The following IL36B variants were observed in gnomAD, a reference collection of about 807,000 sequenced individuals.
IL36B encodes the protein interleukin-36 beta.
In IL36B, 23 loss-of-function variants were observed where a neutral mutation model predicts 19.3. The ratio of observed to expected loss-of-function variants is 1.19; its 90% CI spans 0.86 to 1.69. IL36B has a LOEUF of 1.69. Ranked by LOEUF, IL36B falls within the 40% of genes most tolerant of loss-of-function variation. IL36B has a pLI of 0.00. For synonymous variants in IL36B, 59 were observed against 59.7 expected (o/e 0.99, Z 0.05); for missense variants, 217 against 200.5 (o/e 1.08, Z -0.50).
chr2:113,026,042 A>C (rs1258037558), intron 5 of IL36B: 11 of 1,581,608 alleles, frequency 7.0e-6, no homozygotes, highest in Non-Finnish European at 9.5e-6. Flanking sequence ...AGGAACCATG[A>C]AGAATGAACG....
At chr2:113,034,173 C>A (rs1166223719) in intron 1 of IL36B, among the ~76,000 whole-genome samples, 2 of 152,164 alleles carry the variant, frequency 1.3e-5, no homozygotes, top group African/African-American at 4.8e-5. Flanking sequence ...TTTCTGCTGC[C>A]TTCTATCCCT....
intron 1 of IL36B, among the ~76,000 whole-genome samples, chr2:113,034,841 C>T (rs1290836414): frequency 1.3e-5 from 2 of 152,170 alleles, no homozygotes; most frequent in Non-Finnish European, 2.9e-5. Flanking sequence ...CAGCTTTGCC[C>T]CCATCTGGAT....
rs753736131 is a variant in IL36B, at chr2:113,031,681, G to A, written c.13+16C>T. On this transcript the variant is annotated intron_variant, in intron 2 of 5. Transcript: ENST00000259213. ...GATGGAGATATTTCCAAGCTGATTT[G>A]CAATTCACCACTTACGTTGTGGGTT... 6.2e-7 allele frequency: 1 copy of A among 1,605,432 alleles called. No individual in the cohort carries two copies. Among genetic ancestry groups the A allele is most frequent in the South Asian group, 1.1e-5 (1 of 90,836 alleles).
At chr2:113,051,504 G>A (rs970130699) in intron 1 of IL36B, among the ~76,000 whole-genome samples, 2 of 152,196 alleles carry the variant, frequency 1.3e-5, no homozygotes, top group Non-Finnish European at 2.9e-5. Context: ...CCCGGCCTGT[G>A]CACCTGGCCC....
chr2:113,040,369 C>G (rs1685233553), intron 1 of IL36B, among the ~76,000 whole-genome samples: 1 of 152,138 alleles, frequency 6.6e-6, no homozygotes, highest in Non-Finnish European at 1.5e-5. Context: ...TTGCTTTTTC[C>G]ACTTTTGTTC....
intron 5 of IL36B, among the ~76,000 whole-genome samples, chr2:113,023,391 G>C (rs1289421042): frequency 6.6e-6 from 1 of 152,182 alleles, no homozygotes; most frequent in African/African-American, 2.4e-5. Flanking sequence ...CTTTGGCCTT[G>C]GTCAGTTAGA....
chr2:113,035,494 G>C (rs1162186423), intron 1 of IL36B, among the ~76,000 whole-genome samples: 3 of 151,740 alleles, frequency 2.0e-5, no homozygotes, highest in Non-Finnish European at 4.4e-5. Flanking sequence ...ATCTTGAGAA[G>C]CTCTTCTGAA....
At chr2:113,046,258 G>C (rs1261220183) in intron 1 of IL36B, among the ~76,000 whole-genome samples, 1 of 147,654 alleles carries the variant, frequency 6.8e-6, no homozygotes, top group Non-Finnish European at 1.5e-5. Flanking sequence ...CACCCAGGCT[G>C]GAGTGCAGTG....
intron 5 of IL36B, among the ~76,000 whole-genome samples, chr2:113,023,451 A>AT (rs1684897785): frequency 6.6e-6 from 1 of 152,204 alleles, no homozygotes; most frequent in East Asian, 1.9e-4. Flanking sequence ...GATAAAACTG[A>AT]TTTTAGTGAA....
At chr2:113,041,970 G>T (rs556989788) in intron 1 of IL36B, among the ~76,000 whole-genome samples, 7 of 152,302 alleles carry the variant, frequency 4.6e-5, no homozygotes, top group African/African-American at 1.4e-4. Context: ...TTACCCTCAA[G>T]GATGCTGGGA....
chr2:113,023,483 T>C (rs1031760027), intron 5 of IL36B, among the ~76,000 whole-genome samples: 3 of 152,196 alleles, frequency 2.0e-5, no homozygotes, highest in Non-Finnish European at 4.4e-5. Flanking sequence ...ATCTGCAAAA[T>C]TTAACCTGCT....
At position 113,029,070 on chromosome 2, in the gene IL36B, G is replaced by A. The variant is rs1351275384; in HGVS notation, c.130C>T (p.His44Tyr). The change falls in exon 4 of 6, where the codon CAT becomes TAT. Residue 44 changes from histidine (H) to tyrosine (Y), a missense_variant. Coordinates refer to ENST00000259213, the MANE Select transcript of IL36B (RefSeq NM_014438.5). ...TCTGTGTCTCTACAGGCTATTAAAT[G>A]AAGAGTGACTGGAAACACAAAGGAA... 7 of 1,611,600 alleles carry A rather than the reference G, an allele frequency of 4.3e-6. No individual in the cohort carries two copies. The highest frequency in any genetic ancestry group is 3.4e-5 in the Admixed American group (2 of 59,558).
chr2:113,041,158 C>CAAA (rs774363500), intron 1 of IL36B, among the ~76,000 whole-genome samples: 1 of 143,140 alleles, frequency 7.0e-6, no homozygotes, highest in African/African-American at 2.6e-5. Flanking sequence ...CTTTGCCACA[C>CAAA]ACAAAAAAAA....
chr2:113,044,260 A>G (rs112187633), intron 1 of IL36B, among the ~76,000 whole-genome samples: 110 of 142,548 alleles, frequency 7.7e-4, no homozygotes, highest in African/African-American at 2.5e-3. Flanking sequence ...CTATATCTAT[A>G]TGTGTGTGTG....
chr2:113,034,385 T>A (rs80339050), intron 1 of IL36B, among the ~76,000 whole-genome samples: 8,378 of 152,296 alleles, frequency 0.055, 315 homozygotes, highest in Non-Finnish European at 0.085. Flanking sequence ...AGCCAGCCTA[T>A]CTCCAAGAGT....
chr2:113,046,201 G>GT (rs779577764), intron 1 of IL36B, among the ~76,000 whole-genome samples: 33 of 145,086 alleles, frequency 2.3e-4, no homozygotes, highest in African/African-American at 7.3e-4. Context: ...GTTTCTTCAG[G>GT]TTTTTTCTTT....
Position 113,022,423 on chromosome 2 carries a change from C to T in IL36B, c.*251G>A. 3.8e-6 allele frequency: 1 copy of T among 263,518 alleles called. No individual in the cohort carries two copies. The highest frequency in any genetic ancestry group is 7.1e-6 in the Non-Finnish European group (1 of 139,898). The allele number at this position is 263,518 out of a possible 1,614,324, so 16.3% of individuals were successfully genotyped here. On this transcript the variant is annotated 3_prime_UTR_variant, in exon 6 of 6. Transcript: ENST00000259213. ...CTTGACTTTACAATTTTTTAAAAAA[C>T]ACTCTAAGGACTGGACAAAACACAT...
At chr2:113,036,606 T>G (rs1685171157) in intron 1 of IL36B, among the ~76,000 whole-genome samples, 1 of 152,176 alleles carries the variant, frequency 6.6e-6, no homozygotes, top group Admixed American at 6.5e-5. Flanking sequence ...GAGCAGGAAT[T>G]TCCTCTTCCT....
chr2:113,034,780 C>T (rs1374768211), intron 1 of IL36B, among the ~76,000 whole-genome samples: 7 of 152,334 alleles, frequency 4.6e-5, no homozygotes, highest in Non-Finnish European at 1.0e-4. Context: ...GCTCTCCTAT[C>T]GCCAGGATGG....
Sources: gnomAD v4.1 joint callset for allele counts (sites outside exome capture counted in the v4.1 genomes callset) on GRCh38, gnomAD v4.1.1 for gene constraint, MANE v1.5 for transcripts, NCBI Gene and HGNC (gene_info 2026-07-23, HGNC 2026-07-21) for gene names.